Variants in GDF1 observed in about 807,000 individuals in gnomAD.
GDF1 encodes growth differentiation factor 1.
In GDF1, 8 loss-of-function variants were observed where a neutral mutation model predicts 7.4. The observed-to-expected ratio is 1.09, with a 90% CI of 0.64 to 1.96. The LOEUF is 1.96. Among genes scored for constraint, GDF1 ranks in the 30% most tolerant of loss-of-function variants. The pLI is 0.00. For missense variants in GDF1, 574 were observed against 551.5 expected (o/e 1.04, Z -0.41); for synonymous variants, 311 against 276.7 (o/e 1.12, Z -1.23).
At chr19:18,874,864 C>T (rs999171575) in intron 6 of GDF1, among the ~76,000 whole-genome samples, 1 of 152,112 alleles carries the variant, frequency 6.6e-6, no homozygotes, top group Non-Finnish European at 1.5e-5. Flanking sequence ...ATTAATTGCT[C>T]TCTGATTTGC....
rs1490229196 is a variant in GDF1 at position 18,895,904 on chromosome 19, G to C, written c.-1154C>G. 96 of 1,252,280 alleles carry C rather than the reference G, an allele frequency of 7.7e-5. No individual in the cohort carries two copies. The highest frequency in any genetic ancestry group is 3.2e-4 in the Middle Eastern group (1 of 3,088). 77.6% of individuals were successfully genotyped at this position (1,252,280 alleles called of 1,614,324 possible). A position where few individuals can be genotyped will look rare whatever the true frequency, so the allele number is the denominator to read the frequency against. ...AGCGCCAGCAGCAGCAGCTCGGGCG[G>C]CGCCAGGTGCGCGTGCTCAGCCAGG... On this transcript the variant is annotated 5_prime_UTR_variant, in exon 1 of 8. Transcript: ENST00000247005. This position sits in a 1 kb window ranked among gnomAD's most constrained non-coding sequence, Gnocchi z 6.4.
chr19:18,893,938 G>A (rs1157446580), intron 1 of GDF1, among the ~76,000 whole-genome samples: 15 of 151,570 alleles, frequency 9.9e-5, no homozygotes, highest in Admixed American at 3.3e-4. Flanking sequence ...GGAACATGGA[G>A]GGGGTTATAT....
intron 2 of GDF1, among the ~76,000 whole-genome samples, chr19:18,886,732 G>A (rs2056370815): frequency 6.6e-6 from 1 of 151,928 alleles, no homozygotes; most frequent in South Asian, 2.1e-4. Context: ...CTGCCTTGGT[G>A]ACCTGCCCTG....
Position 18,880,394 on chromosome 19 carries a change from A to G in GDF1, c.-691T>C. On this transcript the variant is annotated 5_prime_UTR_variant, in exon 4 of 8. Transcript: ENST00000247005. ...GGTGAACTCAAGCTGCACGTCACTG[A>G]TATCGTGCAGGAAGAGCACAAGGAT... The G allele has an allele frequency of 6.3e-7, 1 of 1,587,694 alleles. No homozygotes were observed.
At chr19:18,886,404 C>T (rs1040187004) in intron 2 of GDF1, among the ~76,000 whole-genome samples, 1 of 152,004 alleles carries the variant, frequency 6.6e-6, no homozygotes, top group Non-Finnish European at 1.5e-5. Flanking sequence ...AAAAAATTAG[C>T]CGGGTGTGGT....
intron 1 of GDF1, 87 bp from the exon 2 acceptor site, chr19:18,893,662 T>C (rs1428817410): frequency 6.5e-6 from 9 of 1,374,830 alleles, no homozygotes; most frequent in African/African-American, 1.4e-5. Flanking sequence ...GCCCAGGGAC[T>C]CCCCAGGCCG....
intron 3 of GDF1, 101 bp downstream of exon 3, chr19:18,883,986 G>A: frequency 7.7e-7 from 1 of 1,294,828 alleles, no homozygotes; most frequent in Non-Finnish European, 1.1e-6. Flanking sequence ...CCGACCTGAT[G>A]TGATCCCCTC....
intron 7 of GDF1, 131 bp from the exon 8 acceptor site, chr19:18,869,521 G>C: frequency 7.9e-7 from 1 of 1,263,702 alleles, no homozygotes; most frequent in Non-Finnish European, 1.1e-6. Flanking sequence ...GTGTGAAGCG[G>C]CGGGGTGGGC....
chr19:18,876,536 T>TGTGTGTGTGTGTGTGTGTGTG (rs1555703706), intron 6 of GDF1, among the ~76,000 whole-genome samples: 1 of 143,184 alleles, frequency 7.0e-6, no homozygotes, highest in African/African-American at 2.6e-5. Context: ...TTTGATTGGG[T>TGTGTGTGTGTGTGTGTGTGTG]TGTGTGTGTG....
At chr19:18,881,627 G>A (rs1039978762) in intron 3 of GDF1, 3 of 152,216 alleles carry the variant, frequency 2.0e-5, no homozygotes, top group African/African-American at 7.2e-5. Context: ...ACGTGGGGAA[G>A]TGTCTCTCAC....
intron 6 of GDF1, among the ~76,000 whole-genome samples, chr19:18,873,448 G>A (rs1019245191): frequency 2.0e-5 from 3 of 152,040 alleles, no homozygotes; most frequent in Non-Finnish European, 2.9e-5. Flanking sequence ...TGTAATCCCA[G>A]CACTTTGGGA....
At chr19:18,883,937 C>T (rs981226789) in intron 3 of GDF1, 150 bp downstream of exon 3, 25 of 750,576 alleles carry the variant, frequency 3.3e-5, no homozygotes, top group African/African-American at 1.2e-4. Context: ...GTCCCCTCGT[C>T]GGACCCCTGA....
At position 18,888,949 on chromosome 19, in the gene GDF1, T is replaced by C. The variant is rs1373275674; in HGVS notation, c.-914+4467A>G. On this transcript the variant is annotated intron_variant, in intron 2 of 7. Coordinates refer to ENST00000247005, the MANE Select transcript of GDF1 (RefSeq NM_001492.6). The stretch of plus-strand genomic sequence containing the variant: ...CTCTGTCGCCTAGGCTGGAGTGCAG[T>C]AGCATGATCTCGACTCACTGCAACC... Among the ~76,000 whole-genome samples the C allele has an allele frequency of 4.7e-5, 7 of 147,694 alleles. No individual in the cohort carries two copies. The Admixed American group carries it at 4.8e-4, about 10-fold the overall frequency.
At chr19:18,891,260 C>T (rs1242153120) in intron 2 of GDF1, among the ~76,000 whole-genome samples, 2 of 152,234 alleles carry the variant, frequency 1.3e-5, no homozygotes, top group Non-Finnish European at 2.9e-5. Context: ...GGCACATCCA[C>T]TGTACACTCT....
chr19:18,895,778 T>C lies in GDF1; in HGVS notation c.-1074+46A>G. The C allele has an allele frequency of 1.9e-6, 2 of 1,078,252 alleles. No individual in the cohort carries two copies. The highest frequency in any genetic ancestry group is 2.3e-6 in the Non-Finnish European group (2 of 861,704). 66.8% of individuals were successfully genotyped at this position (1,078,252 alleles called of 1,614,324 possible). A position where few individuals can be genotyped will look rare whatever the true frequency, so the allele number is the denominator to read the frequency against. On this transcript the variant is annotated intron_variant, in intron 1 of 7. Transcript: ENST00000247005. The surrounding 1 kb of genome is among the most constrained non-coding windows in gnomAD (Gnocchi z 6.4). Reference sequence around the variant, plus strand: ...CGGCCCCAGGTCCCCGGTCCCGGCTTCCCCCAGTCCGGGGTCCCCTCGTCC... The same window carrying C: ...CGGCCCCAGGTCCCCGGTCCCGGCTCCCCCCAGTCCGGGGTCCCCTCGTCC...
intron 3 of GDF1, among the ~76,000 whole-genome samples, chr19:18,882,584 C>T (rs2056239313): frequency 6.6e-6 from 1 of 151,804 alleles, no homozygotes; most frequent in East Asian, 2.0e-4. Flanking sequence ...TTGCAGTAAG[C>T]CAATGTCATG....
At chr19:18,872,220 G>T (rs891742577) in intron 6 of GDF1, among the ~76,000 whole-genome samples, 1 of 152,178 alleles carries the variant, frequency 6.6e-6, no homozygotes, top group Non-Finnish European at 1.5e-5. Context: ...ATTCTTGTTT[G>T]TTTTTTCTGC....
At chr19:18,885,511 G>GTGT (rs2056327287) in intron 2 of GDF1, among the ~76,000 whole-genome samples, 25 of 22,128 alleles carry the variant, frequency 1.1e-3, no homozygotes, top group Middle Eastern at 0.056. Flanking sequence ...GCCCCTTCTC[G>GTGT]TTTTTTTTTT....
Position 18,869,973 on chromosome 19 carries a change from C to T in GDF1, c.325+10G>A. 6.3e-7 allele frequency: 1 copy of T among 1,578,406 alleles called. No individual in the cohort carries two copies. The highest frequency in any genetic ancestry group is 8.6e-7 in the Non-Finnish European group (1 of 1,164,012). The stretch of plus-strand genomic sequence containing the variant: ...CCAGGACCAGTGTCCCCAGCGAAAG[C>T]CCCACTCACCGCGGTCCGGGATGTG... On this transcript the variant is annotated intron_variant, in intron 7 of 7. Coordinates refer to ENST00000247005, the MANE Select transcript of GDF1 (RefSeq NM_001492.6).
Sources: allele counts gnomAD v4.1 joint callset (sites outside exome capture counted in the v4.1 genomes callset), GRCh38; gene constraint gnomAD v4.1.1; non-coding constraint Gnocchi (gnomAD v3.1); transcripts MANE v1.5; gene names NCBI Gene and HGNC (gene_info 2026-07-23, HGNC 2026-07-21).